Variants in C18orf54 observed in about 807,000 individuals in gnomAD.
C18orf54 encodes the protein chromosome 18 open reading frame 54.
Under a neutral mutation model 49.3 loss-of-function variants are expected in C18orf54, and 49 were observed. The ratio of observed to expected loss-of-function variants is 0.99; its 90% confidence interval spans 0.79 to 1.26. C18orf54 has a LOEUF of 1.26. Among genes scored for constraint, C18orf54 ranks in the 50% most tolerant of loss-of-function variants. C18orf54 has a pLI of 0.00. For missense variants in C18orf54, 687 were observed against 620.6 expected (o/e 1.11, Z -1.14); for synonymous variants, 211 against 216.6 (o/e 0.97, Z 0.23).
intron 3 of C18orf54, among the ~76,000 whole-genome samples, chr18:54,361,255 G>A (rs2098022323): frequency 6.6e-6 from 1 of 152,196 alleles, no homozygotes; most frequent in African/African-American, 2.4e-5. Flanking sequence ...TGAAGGGTTT[G>A]TAGGTGAGAA....
At chr18:54,364,312 T>C (rs966231878) in intron 5 of C18orf54, among the ~76,000 whole-genome samples, 9 of 152,124 alleles carry the variant, frequency 5.9e-5, no homozygotes, top group Admixed American at 2.6e-4. Flanking sequence ...GCAAGTAGTA[T>C]CAGAGGTGCT....
At chr18:54,364,739 T>C (rs1031009732) in intron 5 of C18orf54, among the ~76,000 whole-genome samples, 1 of 152,038 alleles carries the variant, frequency 6.6e-6, no homozygotes, top group Non-Finnish European at 1.5e-5. Context: ...TAATAACAGA[T>C]GGGTGGCTCT....
At chr18:54,376,476 G>A (rs1480477939) in intron 8 of C18orf54, among the ~76,000 whole-genome samples, 3 of 150,462 alleles carry the variant, frequency 2.0e-5, no homozygotes, top group African/African-American at 7.4e-5. Context: ...TGGGATTACA[G>A]GCACGTGCCA....
chr18:54,369,807 AAC>A (rs2089452977), intron 6 of C18orf54, among the ~76,000 whole-genome samples: 1 of 152,116 alleles, frequency 6.6e-6, no homozygotes. Context: ...ATAATATCAT[AAC>A]AAAATACTGT....
rs1408980177 is a variant in C18orf54 at position 54,379,123 on chromosome 18, GCTTT to G, written c.*882_*885del. 1 of 151,994 alleles carries G rather than the reference GCTTT, an allele frequency of 6.6e-6. No individual in the cohort carries two copies. Among genetic ancestry groups the G allele is most frequent in the Non-Finnish European group, 1.5e-5 (1 of 67,912 alleles). The allele number at this position is 151,994 out of a possible 1,614,324, so 9.4% of individuals were successfully genotyped here. A position where few individuals can be genotyped will look rare whatever the true frequency, so the allele number is the denominator to read the frequency against. On this transcript the variant is annotated 3_prime_UTR_variant, in exon 9 of 9. Coordinates refer to ENST00000620105, the MANE Select transcript of C18orf54 (RefSeq NM_001288980.2). ...TTTAGAGCTATTTTGTAAGAGTTGT[GCTTT>G]CTTTAACACCATCTGTAGTCTTAAG...
intron 8 of C18orf54, among the ~76,000 whole-genome samples, chr18:54,374,893 C>G (rs2089544800): frequency 6.6e-6 from 1 of 151,876 alleles, no homozygotes; most frequent in Non-Finnish European, 1.5e-5. Flanking sequence ...AGTTTCTACT[C>G]TAGTCACACC....
In C18orf54 at chr18:54,360,797, T is replaced by C; in HGVS notation, c.225T>C (p.Ile75=). 6.2e-7 allele frequency: 1 copy of C among 1,613,410 alleles called. No individual in the cohort carries two copies. The highest frequency in any genetic ancestry group is 8.5e-7 in the Non-Finnish European group (1 of 1,179,430). The change falls in exon 3 of 9, where the codon ATT becomes ATC. Residue 75 remains isoleucine (I), a synonymous_variant. Coordinates refer to ENST00000620105, the MANE Select transcript of C18orf54 (RefSeq NM_001288980.2). ...GTGCAAGCACTGGAAAAATTAACATTGATGAGGATTTTACTAATATGTCAC... is the reference window on the plus strand; with the variant it reads ...GTGCAAGCACTGGAAAAATTAACATCGATGAGGATTTTACTAATATGTCAC... ...YPGASTGKIN[I]DEDFTNMSQF...
At chr18:54,372,693 G>C in intron 7 of C18orf54, 96 bp downstream of exon 7, 1 of 1,160,418 alleles carries the variant, frequency 8.6e-7, no homozygotes. Flanking sequence ...TTTTATGTTA[G>C]TAAGCATGCC....
At chr18:54,372,921 C>T (rs548105130) in intron 7 of C18orf54, among the ~76,000 whole-genome samples, 4 of 151,878 alleles carry the variant, frequency 2.6e-5, no homozygotes, top group East Asian at 1.9e-4. Flanking sequence ...CTATGTGGCC[C>T]ATCTTCTGGT....
rs1296103674 is a variant in C18orf54, at chr18:54,380,867, C to T, written c.*2621C>T. 1.3e-5 allele frequency: 2 copies of T among 152,110 alleles called. No homozygotes were observed. The highest frequency in any genetic ancestry group is 1.3e-4 in the Admixed American group (2 of 15,274). The allele number at this position is 152,110 out of a possible 1,614,324, so 9.4% of individuals were successfully genotyped here. A position where few individuals can be genotyped will look rare whatever the true frequency, so the allele number is the denominator to read the frequency against. The stretch of plus-strand genomic sequence containing the variant: ...TTTCATTTTTTTCTGTCCCACCCTT[C>T]ACTCTCTCTGTTTCAGAACATTTTT... On this transcript the variant is annotated 3_prime_UTR_variant, in exon 9 of 9. Coordinates refer to ENST00000620105, the MANE Select transcript of C18orf54 (RefSeq NM_001288980.2).
Position 54,361,635 on chromosome 18 carries a change from T to C in C18orf54, c.284-8T>C, listed in dbSNP as rs1443630790. On this transcript the variant is annotated splice_region_variant and splice_polypyrimidine_tract_variant and intron_variant, in intron 3 of 8. Transcript: ENST00000620105. ...ATGTAATAAACAAAACTGTTCTTCG[T>C]TTTTCAGCTTTTGAAAACCTTGATC... is the stretch of plus-strand genomic sequence containing the variant. The C allele has an allele frequency of 6.4e-7, 1 of 1,572,918 alleles. No homozygotes were observed. The highest frequency in any genetic ancestry group is 1.4e-5 in the African/African-American group (1 of 72,778).
intron 2 of C18orf54, 67 bp from the exon 3 acceptor site, chr18:54,360,460 T>A (rs2089241955): frequency 1.1e-6 from 1 of 951,198 alleles, no homozygotes; most frequent in Non-Finnish European, 1.6e-6. Context: ...GGTTTACATA[T>A]TTAGTAATTT....
In C18orf54 at chr18:54,360,619, C is replaced by T; in HGVS notation, c.47C>T (p.Ser16Leu). ...TKHRLCSQES[S>L]VSALLASCTL... ...CATAGACTTTGTTCTCAGGAATCTT[C>T]AGTATCTGCCCTGCTGGCAAGCTGC... The change falls in exon 3 of 9, where the codon TCA becomes TTA. Residue 16 changes from serine to leucine, a missense_variant. By Grantham distance (145) the Ser-to-Leu change is moderately radical (BLOSUM62 -2). Coordinates refer to ENST00000620105, the MANE Select transcript of C18orf54 (RefSeq NM_001288980.2). The T allele has an allele frequency of 6.2e-7, 1 of 1,614,062 alleles. No individual in the cohort carries two copies. The highest frequency in any genetic ancestry group is 8.5e-7 in the Non-Finnish European group (1 of 1,179,932).
Position 54,361,757 on chromosome 18 carries a change from C to G in C18orf54, c.398C>G (p.Ala133Gly). The change falls in exon 4 of 9, where the codon GCA becomes GGA. Residue 133 changes from alanine (A) to glycine (G), a missense_variant. Ala to Gly is a moderately conservative substitution (Grantham distance 60). Transcript: ENST00000620105. ...ACTGATGATCTATTAAGACTCCCAGCAGATGGATCATTTTCTTATACTTAT... is the reference window on the plus strand; with the variant it reads ...ACTGATGATCTATTAAGACTCCCAGGAGATGGATCATTTTCTTATACTTAT... ...LTTDDLLRLP[A>G]DGSFSYTYVG... The G allele has an allele frequency of 1.2e-6, 2 of 1,614,036 alleles. No individual in the cohort carries two copies. The highest frequency in any genetic ancestry group is 8.5e-7 in the Non-Finnish European group (1 of 1,179,944).
chr18:54,372,347 G>T, intron 6 of C18orf54, 119 bp from the exon 7 acceptor site: 1 of 982,850 alleles, frequency 1.0e-6, no homozygotes, highest in Non-Finnish European at 1.4e-6. Context: ...ATACTTTATT[G>T]ACATACATTG....
At position 54,365,802 on chromosome 18, in the gene C18orf54, TTC is replaced by T; in HGVS notation, c.1309_1310del (p.Leu437LysfsTer2). The T allele has an allele frequency of 1.3e-6, 2 of 1,575,752 alleles. No individual in the cohort carries two copies. The highest frequency in any genetic ancestry group is 1.7e-6 in the Non-Finnish European group (2 of 1,154,154). On this transcript the variant is annotated frameshift_variant, in exon 6 of 9. Transcript: ENST00000620105. LOFTEE classifies it high-confidence loss of function. Reference sequence around the variant, plus strand: ...AGTGCTAAAGGGGTTCTTGAAGACTTTCTAAATAATGATAATCAGGTGGGTGA... The same window carrying T: ...AGTGCTAAAGGGGTTCTTGAAGACTTTAAATAATGATAATCAGGTGGGTGA...
chr18:54,373,241 A>C (rs2089519174), intron 7 of C18orf54, among the ~76,000 whole-genome samples: 1 of 151,774 alleles, frequency 6.6e-6, no homozygotes, highest in Non-Finnish European at 1.5e-5. Flanking sequence ...CAAGTGCAAT[A>C]TTTGTGCAAA....
Position 54,379,201 on chromosome 18 carries a change from CTTATTA to C in C18orf54, c.*959_*964del, listed in dbSNP as rs1455425317. ...AAAGCTCTATAATTTTTACCAAGCA[CTTATTA>C]TTAATACTTCTTATAAGTAGTAAGC... On this transcript the variant is annotated 3_prime_UTR_variant, in exon 9 of 9. Coordinates refer to ENST00000620105, the MANE Select transcript of C18orf54 (RefSeq NM_001288980.2). The C allele has an allele frequency of 1.3e-5, 2 of 152,018 alleles. No individual in the cohort carries two copies. Among genetic ancestry groups the C allele is most frequent in the East Asian group, 3.8e-4 (2 of 5,202 alleles). The allele number at this position is 152,018 out of a possible 1,614,324, so 9.4% of individuals were successfully genotyped here.
chr18:54,360,815 T>C lies in C18orf54; in HGVS notation c.243T>C (p.Asn81=). The change falls in exon 3 of 9, where the codon AAT becomes AAC. Residue 81 remains asparagine (N), a synonymous_variant. Transcript: ENST00000620105. ...GKINIDEDFT[N]MSQFCNYIYK... ...TTAACATTGATGAGGATTTTACTAA[T>C]ATGTCACAGTTCTGCAACTATATTT... The C allele has an allele frequency of 6.2e-7, 1 of 1,613,086 alleles. No homozygotes were observed. The highest frequency in any genetic ancestry group is 8.5e-7 in the Non-Finnish European group (1 of 1,179,314).
Sources: gnomAD v4.1 joint callset for allele counts (sites outside exome capture counted in the v4.1 genomes callset) on GRCh38, gnomAD v4.1.1 for gene constraint, MANE v1.5 for transcripts, NCBI Gene and HGNC (gene_info 2026-07-23, HGNC 2026-07-21) for gene names.